The following NT5DC3 variants were observed in gnomAD, a reference collection of about 807,000 sequenced individuals.
NT5DC3 encodes the protein 5'-nucleotidase domain containing 3, also known as 5'-nucleotidase domain-containing protein 3.
NT5DC3 carries 42 observed loss-of-function variants against 67.8 expected under a neutral mutation model. The ratio of observed to expected loss-of-function variants is 0.62; its 90% CI spans 0.48 to 0.80. NT5DC3 has a LOEUF of 0.80. Among genes scored for constraint, NT5DC3 ranks in the 30% least tolerant of loss-of-function variants. The pLI is 0.00. For missense variants in NT5DC3, 570 were observed against 696.4 expected (o/e 0.82, Z 2.04); for synonymous variants, 237 against 255.6 (o/e 0.93, Z 0.69).
downstream of NT5DC3, among the ~76,000 whole-genome samples, chr12:103,768,620 A>G (rs201746626): frequency 9.5e-5 from 6 of 62,962 alleles, no homozygotes; most frequent in Admixed American, 3.3e-4. Context: ...AGAGGGAGAG[A>G]GAGGGAGAGG....
intron 12 of NT5DC3, among the ~76,000 whole-genome samples, chr12:103,782,110 C>CTA (rs1245068276): frequency 1.3e-5 from 2 of 152,202 alleles, no homozygotes; most frequent in Non-Finnish European, 2.9e-5. Flanking sequence ...TAGCTCACGC[C>CTA]TATAATCCCA....
chr12:103,761,230 A>G, the NT5DC3 span: 1 of 1,460,228 alleles, frequency 6.8e-7, no homozygotes, highest in African/African-American at 1.4e-5. Context: ...GGAAAATTGA[A>G]CAACTTCCCT....
intron 6 of NT5DC3, among the ~76,000 whole-genome samples, chr12:103,796,354 T>C (rs1308917373): frequency 6.6e-6 from 1 of 151,990 alleles, no homozygotes; most frequent in Non-Finnish European, 1.5e-5. Context: ...TCGTCTCTAT[T>C]AAAAATACAA....
At chr12:103,753,754 C>T in the NT5DC3 span, among the ~76,000 whole-genome samples, 2 of 152,180 alleles carry the variant, frequency 1.3e-5, no homozygotes, top group Non-Finnish European at 2.9e-5. Flanking sequence ...ACTGCCAAGG[C>T]AGAAGTGGAG....
chr12:103,749,841 CAAAAAAAAAAAAAAAA>C, the NT5DC3 span, among the ~76,000 whole-genome samples: 1 of 51,132 alleles, frequency 2.0e-5, no homozygotes, highest in East Asian at 6.3e-4. Flanking sequence ...CTCTGTCTCA[CAAAAAAAAAAAAAAAA>C]AAAAAAAAAA....
At chr12:103,758,803 A>G in the NT5DC3 span, among the ~76,000 whole-genome samples, 1 of 152,176 alleles carries the variant, frequency 6.6e-6, no homozygotes, top group South Asian at 2.1e-4. Context: ...TATTCAATTC[A>G]CGCACAGGTG....
intron 1 of NT5DC3, among the ~76,000 whole-genome samples, chr12:103,821,459 G>A (rs1887487130): frequency 6.6e-6 from 1 of 152,200 alleles, no homozygotes; most frequent in African/African-American, 2.4e-5. Flanking sequence ...TAAGAATGCT[G>A]ACTAGTTTGA....
intron 1 of NT5DC3, among the ~76,000 whole-genome samples, chr12:103,819,362 T>C (rs2139434455): frequency 6.6e-6 from 1 of 152,390 alleles, no homozygotes; most frequent in African/African-American, 2.4e-5. Context: ...ACAGTCTGGC[T>C]AAACTTTAGA....
At chr12:103,790,194 T>G (rs113459076) in intron 9 of NT5DC3, among the ~76,000 whole-genome samples, 8,133 of 152,254 alleles carry the variant, frequency 0.053, 471 homozygotes, top group East Asian at 0.17. Flanking sequence ...AGTCTTGACC[T>G]CCTGGGTTCA....
At chr12:103,837,405 T>G (rs909865079) in intron 1 of NT5DC3, among the ~76,000 whole-genome samples, 3 of 152,256 alleles carry the variant, frequency 2.0e-5, no homozygotes, top group African/African-American at 4.8e-5. Context: ...TTATGCAAAT[T>G]TCTGCAGGCG....
chr12:103,836,116 C>G (rs907352166), intron 1 of NT5DC3, among the ~76,000 whole-genome samples: 2 of 152,176 alleles, frequency 1.3e-5, no homozygotes, highest in Admixed American at 1.3e-4. Flanking sequence ...TGTGGGAAAT[C>G]TGGGAGATGG....
chr12:103,785,211 T>G, intron 12 of NT5DC3, 124 bp downstream of exon 12: 1 of 883,252 alleles, frequency 1.1e-6, no homozygotes, highest in East Asian at 2.5e-5. Flanking sequence ...CAATCGTTAT[T>G]CTACAGTCTA....
At chr12:103,825,857 T>C (rs1165461296) in intron 1 of NT5DC3, among the ~76,000 whole-genome samples, 1 of 152,160 alleles carries the variant, frequency 6.6e-6, no homozygotes, top group Non-Finnish European at 1.5e-5. Flanking sequence ...AGAAAAGAAA[T>C]ATGTATGCCT....
the NT5DC3 span, chr12:103,746,504 G>A: frequency 8.6e-7 from 1 of 1,163,408 alleles, no homozygotes; most frequent in East Asian, 2.4e-5. Flanking sequence ...TGAACACAGT[G>A]GTCGTCCAGA....
downstream of NT5DC3, among the ~76,000 whole-genome samples, chr12:103,765,875 CAAG>C (rs1364259226): frequency 1.1e-4 from 16 of 152,264 alleles, no homozygotes; most frequent in African/African-American, 2.6e-4. Context: ...CTCAGGCACT[CAAG>C]AGCCACCACT....
the NT5DC3 span, among the ~76,000 whole-genome samples, chr12:103,756,224 C>T: frequency 6.6e-6 from 1 of 152,156 alleles, no homozygotes; most frequent in Non-Finnish European, 1.5e-5. Context: ...AAAGTCACGT[C>T]AATATTCTAC....
At chr12:103,833,775 TGGAGGAGTAGGA>T (rs1888030757) in intron 1 of NT5DC3, among the ~76,000 whole-genome samples, 2 of 151,172 alleles carry the variant, frequency 1.3e-5, no homozygotes, top group Non-Finnish European at 2.9e-5. Flanking sequence ...CAACCCGTCT[TGGAGGAGTAGGA>T]AGGCTTCCAT....
intron 1 of NT5DC3, among the ~76,000 whole-genome samples, chr12:103,826,453 A>G (rs1887698838): frequency 6.6e-6 from 1 of 152,190 alleles, no homozygotes; most frequent in Non-Finnish European, 1.5e-5. Context: ...TGTGAGAGGG[A>G]TGTGATTTGA....
intron 1 of NT5DC3, 85 bp from the exon 2 acceptor site, chr12:103,815,206 G>T: frequency 8.6e-6 from 7 of 813,336 alleles, no homozygotes; most frequent in Non-Finnish European, 1.3e-5. Context: ...GAGTAAACTA[G>T]ACTATAAAAG....
Sources: allele counts gnomAD v4.1 joint callset (sites outside exome capture counted in the v4.1 genomes callset), GRCh38; gene constraint gnomAD v4.1.1; transcripts MANE v1.5; gene names NCBI Gene and HGNC (gene_info 2026-07-23, HGNC 2026-07-21).